RBFOX1: variants seen among roughly 807,000 people sequenced by gnomAD.
The protein encoded by RBFOX1 is RNA binding protein fox-1 homolog 1.
In RBFOX1, 8 loss-of-function variants were observed where a neutral mutation model predicts 57.7. The observed-to-expected ratio is 0.14, with a 90% CI of 0.08 to 0.25. The LOEUF (loss-of-function observed/expected upper bound fraction) is 0.25. RBFOX1 is among the 10% of genes least tolerant of loss of function. The probability of loss-of-function intolerance (pLI) is 1.00; values close to 1 mark genes in which losing one functional copy is unlikely to be tolerated. For synonymous variants in RBFOX1, 326 were observed against 222.4 expected (o/e 1.47, Z -4.15); for missense variants, 611 against 548.5 (o/e 1.11, Z -1.14).
At chr16:6,524,190 C>T (rs957135137) in intron 2 of RBFOX1, among the ~76,000 whole-genome samples, 20 of 152,286 alleles carry the variant, frequency 1.3e-4, no homozygotes, top group South Asian at 2.1e-4. Flanking sequence ...TCTCTATCTC[C>T]GTGAGTTCTA....
intron 2 of RBFOX1, among the ~76,000 whole-genome samples, chr16:5,479,245 A>G (rs2069436518): frequency 1.3e-5 from 2 of 151,806 alleles, no homozygotes. Context: ...TTTGATTGGC[A>G]CCAAGCCTTG....
intron 3 of RBFOX1, among the ~76,000 whole-genome samples, chr16:6,829,140 AT>A (rs966928453): frequency 9.2e-5 from 14 of 152,260 alleles, no homozygotes; most frequent in African/African-American, 3.4e-4. Context: ...TAATTGTCTA[AT>A]AAGTGGAAGG....
intron 1 of RBFOX1, among the ~76,000 whole-genome samples, chr16:5,397,893 G>A (rs551848559): frequency 1.3e-5 from 2 of 152,298 alleles, no homozygotes; most frequent in African/African-American, 4.8e-5. Flanking sequence ...TTCTATGTTT[G>A]GTGACTTCCA....
intron 2 of RBFOX1, among the ~76,000 whole-genome samples, chr16:5,483,254 C>G (rs749382073): frequency 2.0e-5 from 3 of 152,144 alleles, no homozygotes; most frequent in African/African-American, 7.2e-5. Context: ...GCACCAGTAG[C>G]AAGGATGGCA....
intron 1 of RBFOX1, among the ~76,000 whole-genome samples, chr16:5,337,926 C>T (rs1487970630): frequency 1.3e-5 from 2 of 152,062 alleles, no homozygotes; most frequent in African/African-American, 2.4e-5. Context: ...TATCTGTAGT[C>T]CCAGCTACTT....
At chr16:7,591,691 C>T (rs561691097) in intron 7 of RBFOX1, among the ~76,000 whole-genome samples, 9 of 152,158 alleles carry the variant, frequency 5.9e-5, no homozygotes, top group Middle Eastern at 3.4e-3. Context: ...TTCTCTGTAC[C>T]CCTTCTTGCG....
rs183662244 is a variant in RBFOX1 at position 6,371,225 on chromosome 16, A to G, written c.-64+54168A>G. ...TAGACTTTTAAAATACCGATTTGTC[A>G]TCAATCCTTCATTCACTAGTTTTAC... is the stretch of plus-strand genomic sequence containing the variant. On this transcript the variant is annotated intron_variant, in intron 2 of 15. Coordinates refer to ENST00000550418, the MANE Select transcript of RBFOX1 (RefSeq NM_018723.4). Among the ~76,000 whole-genome samples the G allele has an allele frequency of 9.2e-5, 14 of 152,302 alleles. No individual in the cohort carries two copies. In the South Asian group the frequency reaches 1.7e-3, roughly 18 times the overall value.
At chr16:6,408,728 G>T (rs1242099378) in intron 2 of RBFOX1, among the ~76,000 whole-genome samples, 1 of 152,116 alleles carries the variant, frequency 6.6e-6, no homozygotes. Flanking sequence ...AAAGGGCATG[G>T]CATTAGGAAA....
chr16:6,008,203 C>T (rs929011691), intron 4 of RBFOX1, among the ~76,000 whole-genome samples: 2 of 138,732 alleles, frequency 1.4e-5, no homozygotes, highest in South Asian at 2.8e-4. Flanking sequence ...AAACTGTATC[C>T]CCCCCACCCA....
intron 4 of RBFOX1, among the ~76,000 whole-genome samples, chr16:7,265,807 T>C (rs992462561): frequency 1.3e-5 from 2 of 151,918 alleles, no homozygotes; most frequent in African/African-American, 4.8e-5. Flanking sequence ...TTGATATAGT[T>C]TGGATATTTG....
At chr16:5,917,277 A>G (rs2058725733) in intron 4 of RBFOX1, among the ~76,000 whole-genome samples, 1 of 152,164 alleles carries the variant, frequency 6.6e-6, no homozygotes, top group Non-Finnish European at 1.5e-5. Context: ...GAAGCGTGAT[A>G]ATATTGATAA....
chr16:7,385,495 G>A (rs2097860120), intron 4 of RBFOX1, among the ~76,000 whole-genome samples: 1 of 152,204 alleles, frequency 6.6e-6, no homozygotes. Context: ...AGTAATGGAG[G>A]TATCTCAAAT....
chr16:6,054,005 T>C (rs764952150), intron 1 of RBFOX1, among the ~76,000 whole-genome samples: 1 of 152,080 alleles, frequency 6.6e-6, no homozygotes, highest in Non-Finnish European at 1.5e-5. Context: ...ACAGTGTTGG[T>C]GCCACTGTAC....
intron 3 of RBFOX1, among the ~76,000 whole-genome samples, chr16:7,029,963 C>T (rs1407012518): frequency 6.6e-6 from 1 of 152,190 alleles, no homozygotes; most frequent in Non-Finnish European, 1.5e-5. Flanking sequence ...TGTGTGAATT[C>T]CAGCAAGACA....
chr16:6,298,985 A>G (rs938684424), intron 1 of RBFOX1, among the ~76,000 whole-genome samples: 2 of 152,186 alleles, frequency 1.3e-5, no homozygotes, highest in Non-Finnish European at 2.9e-5. Flanking sequence ...GGAAAAGAAT[A>G]TCAGGATCTT....
chr16:5,796,177 C>A (rs910213605), intron 3 of RBFOX1, among the ~76,000 whole-genome samples: 2 of 152,146 alleles, frequency 1.3e-5, no homozygotes, highest in African/African-American at 4.8e-5. Flanking sequence ...ATAGTAAAAC[C>A]CTGATGTCAA....
At chr16:5,853,281 C>A (rs1394069079) in intron 3 of RBFOX1, among the ~76,000 whole-genome samples, 1 of 152,138 alleles carries the variant, frequency 6.6e-6, no homozygotes, top group Non-Finnish European at 1.5e-5. Flanking sequence ...CAACCCTCAC[C>A]TCCTGAGAAC....
At chr16:7,368,061 G>T (rs920939286) in intron 4 of RBFOX1, among the ~76,000 whole-genome samples, 5 of 152,066 alleles carry the variant, frequency 3.3e-5, no homozygotes, top group African/African-American at 7.2e-5. Flanking sequence ...GAGGTCAGGG[G>T]TTTGAGACCA....
At chr16:5,405,874 G>C (rs1237456044) in intron 1 of RBFOX1, among the ~76,000 whole-genome samples, 1 of 152,010 alleles carries the variant, frequency 6.6e-6, no homozygotes, top group Non-Finnish European at 1.5e-5. Context: ...TGGAAGTGAG[G>C]GCAGAGTGAT....
Sources: gnomAD v4.1 joint callset for allele counts (sites outside exome capture counted in the v4.1 genomes callset) on GRCh38, gnomAD v4.1.1 for gene constraint, MANE v1.5 for transcripts, NCBI Gene and HGNC (gene_info 2026-07-23, HGNC 2026-07-21) for gene names.